Variants in FOXP2 observed in about 807,000 individuals in gnomAD.
FOXP2 encodes the protein forkhead box protein P2.
A neutral mutation model predicts 115.8 loss-of-function variants in FOXP2; 12 were observed. The observed-to-expected ratio is 0.10, with a 90% CI of 0.07 to 0.17. The LOEUF is 0.17. Ranked by LOEUF, FOXP2 falls within the 10% of genes least tolerant of loss-of-function variation. The probability of loss-of-function intolerance (pLI) is 1.00; values close to 1 mark genes in which losing one functional copy is unlikely to be tolerated. For synonymous variants in FOXP2, 328 were observed against 297.7 expected (o/e 1.10, Z -1.05); for missense variants, 629 against 843.5 (o/e 0.75, Z 3.15).
chr7:114,432,441 G>T (rs1401517729), intron 2 of FOXP2, among the ~76,000 whole-genome samples: 2 of 151,896 alleles, frequency 1.3e-5, no homozygotes, highest in African/African-American at 4.8e-5. Flanking sequence ...TTATTCAAAT[G>T]ACCTCATTAC....
chr7:114,196,159 G>A (rs979518442), intron 1 of FOXP2, among the ~76,000 whole-genome samples: 6 of 151,908 alleles, frequency 3.9e-5, no homozygotes, highest in Non-Finnish European at 5.9e-5. Context: ...ACTAGGGCGC[G>A]CGTCACCACG....
intron 2 of FOXP2, among the ~76,000 whole-genome samples, chr7:114,504,804 C>A (rs1797734718): frequency 6.6e-6 from 1 of 151,610 alleles, no homozygotes; most frequent in African/African-American, 2.4e-5. Flanking sequence ...ATCATGACCT[C>A]TTTGTGACCC....
At chr7:114,355,771 G>A (rs1313604869) in intron 2 of FOXP2, among the ~76,000 whole-genome samples, 1 of 152,088 alleles carries the variant, frequency 6.6e-6, no homozygotes, top group Non-Finnish European at 1.5e-5. Flanking sequence ...GGGGGTGACT[G>A]GCATTGCTTC....
At chr7:114,128,971 A>T (rs1158702232) in intron 1 of FOXP2, among the ~76,000 whole-genome samples, 1 of 151,842 alleles carries the variant, frequency 6.6e-6, no homozygotes, top group Non-Finnish European at 1.5e-5. Context: ...CATAAAAAAC[A>T]CTCTCTGTGC....
intron 2 of FOXP2, among the ~76,000 whole-genome samples, chr7:114,344,266 CG>C (rs34669697): frequency 6.6e-6 from 1 of 151,638 alleles, no homozygotes; most frequent in African/African-American, 2.4e-5. Flanking sequence ...ATGACAATGA[CG>C]GGGGAAGTGG....
chr7:114,361,453 G>T, intron 2 of FOXP2, among the ~76,000 whole-genome samples: 1 of 152,020 alleles, frequency 6.6e-6, no homozygotes, highest in Non-Finnish European at 1.5e-5. Context: ...GCTATAGTCA[G>T]AAAGAGACTA....
chr7:114,511,577 A>G (rs1798077838), intron 2 of FOXP2, among the ~76,000 whole-genome samples: 1 of 152,124 alleles, frequency 6.6e-6, no homozygotes, highest in Admixed American at 6.6e-5. Flanking sequence ...TTGCCTTAGG[A>G]CATGTTTTGG....
chr7:114,353,647 C>T (rs1276567653), intron 2 of FOXP2, among the ~76,000 whole-genome samples: 1 of 152,092 alleles, frequency 6.6e-6, no homozygotes, highest in Non-Finnish European at 1.5e-5. Flanking sequence ...TCATAAGTAT[C>T]ATAATACTTC....
At chr7:114,148,401 G>A (rs1292945152) in intron 1 of FOXP2, among the ~76,000 whole-genome samples, 3 of 151,598 alleles carry the variant, frequency 2.0e-5, no homozygotes, top group African/African-American at 4.9e-5. Context: ...TTTTTCCAAC[G>A]TTTGGCTGTT....
At chr7:114,652,578 T>C (rs1806330418) in intron 9 of FOXP2, among the ~76,000 whole-genome samples, 1 of 152,082 alleles carries the variant, frequency 6.6e-6, no homozygotes, top group African/African-American at 2.4e-5. Context: ...CCAATGCAGG[T>C]TAGACCAAAC....
At chr7:114,178,939 A>G (rs1243014982) in intron 1 of FOXP2, among the ~76,000 whole-genome samples, 1 of 151,954 alleles carries the variant, frequency 6.6e-6, no homozygotes, top group Non-Finnish European at 1.5e-5. Context: ...CTCCATAAAC[A>G]AATGTATTTT....
intron 3 of FOXP2, among the ~76,000 whole-genome samples, chr7:114,579,113 T>C (rs748213418): frequency 6.6e-6 from 1 of 152,148 alleles, no homozygotes; most frequent in Non-Finnish European, 1.5e-5. Context: ...TCCAGTTGTT[T>C]GTTTACTATG....
chr7:114,668,229 C>T (rs1807282988), intron 16 of FOXP2: 1 of 152,036 alleles, frequency 6.6e-6, no homozygotes, highest in Non-Finnish European at 1.5e-5. Context: ...TGAATATATA[C>T]CTGAGGTTGA....
chr7:114,354,769 TA>T (rs1791575270), intron 2 of FOXP2, among the ~76,000 whole-genome samples: 1 of 152,178 alleles, frequency 6.6e-6, no homozygotes, highest in Non-Finnish European at 1.5e-5. Context: ...TTTAATCTGT[TA>T]AAAGTTTTGA....
intron 2 of FOXP2, among the ~76,000 whole-genome samples, chr7:114,436,404 G>A (rs1434643709): frequency 4.6e-5 from 7 of 151,146 alleles, no homozygotes; most frequent in Admixed American, 2.0e-4. Flanking sequence ...GAGGGCAAGG[G>A]CCATATCAGT....
At chr7:114,200,798 C>T (rs920682919) in intron 1 of FOXP2, among the ~76,000 whole-genome samples, 5 of 152,072 alleles carry the variant, frequency 3.3e-5, no homozygotes, top group East Asian at 1.9e-4. Flanking sequence ...ACTATTACGA[C>T]GTCTATCACT....
At chr7:114,362,325 T>G (rs1018377859) in intron 2 of FOXP2, among the ~76,000 whole-genome samples, 1 of 152,090 alleles carries the variant, frequency 6.6e-6, no homozygotes, top group African/African-American at 2.4e-5. Context: ...GTTGTGATAC[T>G]CACAGATTAT....
Position 114,536,763 on chromosome 7 carries a change from G to A in FOXP2, c.258+2057G>A, listed in dbSNP as rs184093369. Among the ~76,000 whole-genome samples the A allele has an allele frequency of 1.5e-4, 23 of 151,516 alleles. No homozygotes were observed. The East Asian group carries it at 1.9e-3, about 13-fold the overall frequency. On this transcript the variant is annotated intron_variant, in intron 3 of 16. Coordinates refer to ENST00000350908, the MANE Select transcript of FOXP2 (RefSeq NM_014491.4). Reference sequence around the variant, plus strand: ...CTGTAAAACTAGCATTTCAGTATTAGTTTGTAATTTTAATGAGATCTCATG... The same window carrying A: ...CTGTAAAACTAGCATTTCAGTATTAATTTGTAATTTTAATGAGATCTCATG...
At chr7:114,245,957 G>T in intron 1 of FOXP2, among the ~76,000 whole-genome samples, 1 of 152,180 alleles carries the variant, frequency 6.6e-6, no homozygotes, top group South Asian at 2.1e-4. Flanking sequence ...GAGCTATATA[G>T]AAATAGGATA....
Sources: allele counts gnomAD v4.1 joint callset (sites outside exome capture counted in the v4.1 genomes callset), GRCh38; gene constraint gnomAD v4.1.1; transcripts MANE v1.5; gene names NCBI Gene and HGNC (gene_info 2026-07-23, HGNC 2026-07-21).